The following MYT1L variants were observed in gnomAD, a reference collection of about 807,000 sequenced individuals.
MYT1L encodes the protein myelin transcription factor 1-like protein.
Under a neutral mutation model 126.7 loss-of-function variants are expected in MYT1L, and 12 were observed. The ratio of observed to expected loss-of-function variants is 0.09; its 90% CI spans 0.06 to 0.15. MYT1L has a LOEUF of 0.15. MYT1L is among the 10% of genes least tolerant of loss of function. The pLI is 1.00. For synonymous variants in MYT1L, 541 were observed against 604.2 expected (o/e 0.90, Z 1.53); for missense variants, 979 against 1,585.2 (o/e 0.62, Z 6.49).
chr2:2,174,419 T>C (rs550188551), intron 2 of MYT1L, among the ~76,000 whole-genome samples: 1 of 152,308 alleles, frequency 6.6e-6, no homozygotes, highest in South Asian at 2.1e-4. Flanking sequence ...ACATACCACC[T>C]TGAAATCATC....
chr2:2,151,242 T>C (rs751675087), intron 3 of MYT1L, among the ~76,000 whole-genome samples: 41 of 152,226 alleles, frequency 2.7e-4, no homozygotes, highest in Admixed American at 5.9e-4. Flanking sequence ...TCTGTGGTGC[T>C]ATAGAATACT....
chr2:2,178,342 G>A (rs981971942), intron 2 of MYT1L, among the ~76,000 whole-genome samples: 9 of 152,124 alleles, frequency 5.9e-5, no homozygotes, highest in African/African-American at 1.2e-4. Context: ...ACAGGCCCTG[G>A]GATGCACTGG....
intron 21 of MYT1L, chr2:1,828,416 G>T (rs2039664575): frequency 6.6e-6 from 1 of 152,168 alleles, no homozygotes; most frequent in Non-Finnish European, 1.5e-5. Context: ...GGTAAGGTGT[G>T]CTCCTCCAGA....
At chr2:1,936,242 T>C (rs2055864029) in intron 9 of MYT1L, among the ~76,000 whole-genome samples, 2 of 152,272 alleles carry the variant, frequency 1.3e-5, no homozygotes, top group Admixed American at 6.5e-5. Flanking sequence ...ATCTTAAATG[T>C]ACATGGCATG....
chr2:2,082,983 G>A (rs948778815), intron 3 of MYT1L, among the ~76,000 whole-genome samples: 11 of 152,146 alleles, frequency 7.2e-5, no homozygotes, highest in African/African-American at 2.7e-4. Flanking sequence ...GGGCCTGAAA[G>A]GAGTGGAAGG....
Position 2,033,220 on chromosome 2 carries a change from G to A in MYT1L, c.-158+20758C>T, listed in dbSNP as rs118034561. ...CCTTGCCAGTGCCTCTCATCCTGTCGCCCAGAGCAGATTCTAGATGGAGGG... is the reference window on the plus strand; with the variant it reads ...CCTTGCCAGTGCCTCTCATCCTGTCACCCAGAGCAGATTCTAGATGGAGGG... On this transcript the variant is annotated intron_variant, in intron 4 of 24. Coordinates refer to ENST00000647738, the MANE Select transcript of MYT1L (RefSeq NM_001303052.2). Among the ~76,000 whole-genome samples, 66 of 142,268 alleles carry A rather than the reference G, an allele frequency of 4.6e-4. No homozygotes were observed. In the East Asian group the frequency reaches 0.012, roughly 26 times the overall value. 93.3% of individuals were successfully genotyped at this position (142,268 alleles called of 152,430 possible). A position where few individuals can be genotyped will look rare whatever the true frequency, so the allele number is the denominator to read the frequency against.
intron 5 of MYT1L, among the ~76,000 whole-genome samples, chr2:1,985,732 T>C (rs1200554336): frequency 2.6e-5 from 4 of 152,140 alleles, no homozygotes; most frequent in Non-Finnish European, 5.9e-5. Flanking sequence ...CCTAAGAAAA[T>C]AGCAATCAAA....
At chr2:2,105,044 A>G (rs1029314960) in intron 3 of MYT1L, among the ~76,000 whole-genome samples, 7 of 152,212 alleles carry the variant, frequency 4.6e-5, no homozygotes, top group African/African-American at 1.7e-4. Context: ...AAAACAAGCT[A>G]CTAATTTCCT....
At chr2:1,911,247 G>C (rs1011783901) in intron 12 of MYT1L, among the ~76,000 whole-genome samples, 1 of 152,148 alleles carries the variant, frequency 6.6e-6, no homozygotes, top group African/African-American at 2.4e-5. Context: ...CAAAGGACCA[G>C]GTTTGCCAGT....
intron 3 of MYT1L, among the ~76,000 whole-genome samples, chr2:2,086,463 C>A (rs1278732478): frequency 1.3e-5 from 2 of 152,178 alleles, no homozygotes; most frequent in Admixed American, 1.3e-4. Flanking sequence ...GGCAGTTAAT[C>A]TCGGAACAGA....
At chr2:1,986,828 C>T (rs1471659288) in intron 5 of MYT1L, among the ~76,000 whole-genome samples, 2 of 152,146 alleles carry the variant, frequency 1.3e-5, no homozygotes, top group Non-Finnish European at 2.9e-5. Context: ...ACACTAAGAG[C>T]TGACACCCGA....
At chr2:2,004,219 C>CTGCAGGCGTTCTTTCT (rs2062809099) in intron 4 of MYT1L, among the ~76,000 whole-genome samples, 1 of 139,328 alleles carries the variant, frequency 7.2e-6, no homozygotes, top group Non-Finnish European at 1.6e-5. Context: ...GTGTTCTTTC[C>CTGCAGGCGTTCTTTCT]TGCAGGCGTT....
At chr2:1,804,314 G>A (rs556480721) in intron 22 of MYT1L, among the ~76,000 whole-genome samples, 21 of 152,232 alleles carry the variant, frequency 1.4e-4, no homozygotes, top group Admixed American at 9.8e-4. Context: ...TAGAGATGGG[G>A]TTTCACCATG....
intron 8 of MYT1L, among the ~76,000 whole-genome samples, chr2:1,960,759 A>C (rs1356791491): frequency 6.0e-5 from 9 of 150,586 alleles, no homozygotes. Flanking sequence ...TCGGGTGCTC[A>C]TGTCCCTGGG....
intron 4 of MYT1L, among the ~76,000 whole-genome samples, chr2:2,034,055 A>G (rs1033220178): frequency 2.0e-5 from 3 of 152,316 alleles, no homozygotes; most frequent in African/African-American, 7.2e-5. Flanking sequence ...TCCAGACTCC[A>G]GACTAAGTAG....
At chr2:1,909,666 C>T (rs1317196497) in intron 13 of MYT1L, among the ~76,000 whole-genome samples, 2 of 152,144 alleles carry the variant, frequency 1.3e-5, no homozygotes, top group African/African-American at 4.8e-5. Flanking sequence ...CTGTAACATT[C>T]GGGTCAGTCA....
intron 5 of MYT1L, among the ~76,000 whole-genome samples, chr2:1,982,713 G>C (rs2149508976): frequency 6.6e-6 from 1 of 152,302 alleles, no homozygotes; most frequent in East Asian, 1.9e-4. Context: ...TCCGAGCTTG[G>C]CTATGAGCTC....
At chr2:2,091,230 T>C (rs2076889181) in intron 3 of MYT1L, among the ~76,000 whole-genome samples, 1 of 152,228 alleles carries the variant, frequency 6.6e-6, no homozygotes, top group African/African-American at 2.4e-5. Flanking sequence ...GACTTGACAA[T>C]TGAAATTACT....
intron 8 of MYT1L, among the ~76,000 whole-genome samples, chr2:1,954,495 A>C (rs892920477): frequency 6.6e-6 from 1 of 152,344 alleles, no homozygotes; most frequent in East Asian, 1.9e-4. Flanking sequence ...GCTAGGACAC[A>C]CTGAACGTCA....
Sources: allele counts gnomAD v4.1 joint callset (sites outside exome capture counted in the v4.1 genomes callset), GRCh38; gene constraint gnomAD v4.1.1; transcripts MANE v1.5; gene names NCBI Gene and HGNC (gene_info 2026-07-23, HGNC 2026-07-21).